Variants in LEPROT observed in about 807,000 individuals in gnomAD.
LEPROT encodes the protein leptin receptor overlapping transcript, also known as leptin receptor gene-related protein.
In LEPROT, 3 loss-of-function variants were observed where a neutral mutation model predicts 15.4. The observed-to-expected ratio is 0.19, with a 90% CI of 0.09 to 0.50. LEPROT has a LOEUF of 0.50. Among genes scored for constraint, LEPROT ranks in the 20% least tolerant of loss-of-function variants. The probability of loss-of-function intolerance (pLI) is 0.97; values close to 1 mark genes in which losing one functional copy is unlikely to be tolerated. For missense variants in LEPROT, 137 were observed against 162.2 expected (o/e 0.84, Z 0.84); for synonymous variants, 59 against 57.5 (o/e 1.03, Z -0.12).
chr1:65,427,173 A>T (rs1218207729), intron 2 of LEPROT, among the ~76,000 whole-genome samples: 3 of 152,214 alleles, frequency 2.0e-5, no homozygotes, highest in Non-Finnish European at 4.4e-5. Context: ...CCTTCACAGC[A>T]ATTACTTTAT....
intron 3 of LEPROT, 147 bp from the exon 4 acceptor site, chr1:65,431,656 G>C: frequency 1.4e-6 from 1 of 735,118 alleles, no homozygotes; most frequent in Non-Finnish European, 2.2e-6. Context: ...TTACTGAACA[G>C]TTCATTGTCT....
chr1:65,427,280 G>A (rs1023348493), intron 2 of LEPROT, among the ~76,000 whole-genome samples: 2 of 152,022 alleles, frequency 1.3e-5, no homozygotes, highest in African/African-American at 2.4e-5. Context: ...TTGAACAGCA[G>A]TAAGTGACAG....
In LEPROT at chr1:65,432,344, G is replaced by T; in HGVS notation, c.*425G>T. 1 of 985,134 alleles carries T rather than the reference G, an allele frequency of 1.0e-6. No homozygotes were observed. Among genetic ancestry groups the T allele is most frequent in the South Asian group, 4.7e-5 (1 of 21,358 alleles). 61.0% of individuals were successfully genotyped at this position (985,134 alleles called of 1,614,324 possible). On this transcript the variant is annotated 3_prime_UTR_variant, in exon 4 of 4. Transcript: ENST00000371065. ...TGTAGTCCATGCTATTAAAAGTGTG[G>T]CCCACAGACCAAGAGCCTCAACATT...
intron 2 of LEPROT, among the ~76,000 whole-genome samples, chr1:65,426,353 G>A (rs1284475111): frequency 6.6e-6 from 1 of 152,102 alleles, no homozygotes; most frequent in African/African-American, 2.4e-5. Flanking sequence ...AGCACTTAGG[G>A]CTCTATATGC....
At position 65,435,627 on chromosome 1, in the gene LEPROT, A is replaced by G. The variant is rs1646552145; in HGVS notation, c.*3708A>G. 8.5e-6 allele frequency: 8 copies of G among 940,882 alleles called. No individual in the cohort carries two copies. Among genetic ancestry groups the G allele is most frequent in the Non-Finnish European group, 1.0e-5 (8 of 789,418 alleles). The allele number at this position is 940,882 out of a possible 1,614,324, so 58.3% of individuals were successfully genotyped here. On this transcript the variant is annotated 3_prime_UTR_variant, in exon 4 of 4. Transcript: ENST00000371065. ...CATGATCCGCCCGCCTCTGCCTCCC[A>G]AAGTGCTGGGATTACAGGCCTGAGC...
At position 65,435,470 on chromosome 1, in the gene LEPROT, C is replaced by T. The variant is rs1351772702; in HGVS notation, c.*3551C>T. The stretch of plus-strand genomic sequence containing the variant: ...GCAAGCTCCGCCTCCCGGGTTCACG[C>T]CATTCTCCTGCCTCAGCCTCCCAAG... On this transcript the variant is annotated 3_prime_UTR_variant, in exon 4 of 4. Transcript: ENST00000371065. 1.8e-5 allele frequency: 8 copies of T among 440,266 alleles called. No homozygotes were observed. Among genetic ancestry groups the T allele is most frequent in the Non-Finnish European group, 2.4e-5 (8 of 332,858 alleles). The allele number at this position is 440,266 out of a possible 1,614,324, so 27.3% of individuals were successfully genotyped here.
In LEPROT at chr1:65,433,075, AGCCCCT is replaced by A. The variant is rs1268692099; in HGVS notation, c.*1159_*1164del. On this transcript the variant is annotated 3_prime_UTR_variant, in exon 4 of 4. Coordinates refer to ENST00000371065, the MANE Select transcript of LEPROT (RefSeq NM_017526.5). ...CGGGCAGGGAGGCTGGGCTCGAGCC[AGCCCCT>A]GCGTTAGCAGGAGGGGGAGAACAGA... 28 of 985,212 alleles carry A rather than the reference AGCCCCT, an allele frequency of 2.8e-5. No homozygotes were observed. The highest frequency in any genetic ancestry group is 3.3e-5 in the Non-Finnish European group (27 of 829,852). The allele number at this position is 985,212 out of a possible 1,614,324, so 61.0% of individuals were successfully genotyped here.
chr1:65,433,586 T>C lies in LEPROT; in HGVS notation c.*1667T>C, dbSNP rs943455934. 4.1e-6 allele frequency: 4 copies of C among 985,248 alleles called. No homozygotes were observed. The African/African-American group carries it at 7.0e-5, about 17-fold the overall frequency. The allele number at this position is 985,248 out of a possible 1,614,324, so 61.0% of individuals were successfully genotyped here. On this transcript the variant is annotated 3_prime_UTR_variant, in exon 4 of 4. Coordinates refer to ENST00000371065, the MANE Select transcript of LEPROT (RefSeq NM_017526.5). ...CAGGTATGATGCTGGGACTGGAAAA[T>C]AGAAAGTAATAACTAAAGGGTTAAT...
Position 65,434,319 on chromosome 1 carries a change from C to T in LEPROT, c.*2400C>T, listed in dbSNP as rs1395656890. The T allele has an allele frequency of 2.0e-6, 2 of 984,618 alleles. No individual in the cohort carries two copies. Among genetic ancestry groups the T allele is most frequent in the Non-Finnish European group, 2.4e-6 (2 of 829,414 alleles). 61.0% of individuals were successfully genotyped at this position (984,618 alleles called of 1,614,324 possible). On this transcript the variant is annotated 3_prime_UTR_variant, in exon 4 of 4. Transcript: ENST00000371065. ...TGGACATTTTTTTCCTTATAAAAGG[C>T]TCTTTTTTTATATATTGTACAATAT...
intron 1 of LEPROT, chr1:65,421,260 G>A (rs1646244070): frequency 6.9e-7 from 1 of 1,446,266 alleles, no homozygotes; most frequent in African/African-American, 1.4e-5. Context: ...GTTTCTCGCA[G>A]TCGTGGAGAG....
At chr1:65,420,793 T>C in intron 1 of LEPROT, 53 bp downstream of exon 1, 1 of 1,558,874 alleles carries the variant, frequency 6.4e-7, no homozygotes, top group Non-Finnish European at 8.7e-7. Context: ...CCACCTCCGT[T>C]CCGGTCAAGC....
Position 65,434,654 on chromosome 1 carries a change from ACCCCTTTTCCT to A in LEPROT, c.*2736_*2746del. ...TGGAGGAAGGACAGTGCAACTTTCC[ACCCCTTTTCCT>A]AAGAACAAGGTCTTTCTCCTTTTAA... On this transcript the variant is annotated 3_prime_UTR_variant, in exon 4 of 4. Coordinates refer to ENST00000371065, the MANE Select transcript of LEPROT (RefSeq NM_017526.5). 5 of 985,316 alleles carry A rather than the reference ACCCCTTTTCCT, an allele frequency of 5.1e-6. No individual in the cohort carries two copies. Among genetic ancestry groups the A allele is most frequent in the Non-Finnish European group, 4.8e-6 (4 of 829,930 alleles). The allele number at this position is 985,316 out of a possible 1,614,324, so 61.0% of individuals were successfully genotyped here. A position where few individuals can be genotyped will look rare whatever the true frequency, so the allele number is the denominator to read the frequency against.
Position 65,434,877 on chromosome 1 carries a change from G to C in LEPROT, c.*2958G>C. ...GTTCTCTAAGTACAGCTGATGTCAT[G>C]TGGTGCTGAGAAGAAAGCAGATCAC... On this transcript the variant is annotated 3_prime_UTR_variant, in exon 4 of 4. Coordinates refer to ENST00000371065, the MANE Select transcript of LEPROT (RefSeq NM_017526.5). 1.0e-6 allele frequency: 1 copy of C among 985,422 alleles called. No individual in the cohort carries two copies. The highest frequency in any genetic ancestry group is 1.2e-6 in the Non-Finnish European group (1 of 829,944). The allele number at this position is 985,422 out of a possible 1,614,324, so 61.0% of individuals were successfully genotyped here.
intron 2 of LEPROT, among the ~76,000 whole-genome samples, chr1:65,426,235 A>AAAATCAG (rs1557581615): frequency 2.0e-5 from 3 of 152,160 alleles, no homozygotes; most frequent in African/African-American, 4.8e-5. Flanking sequence ...AGGCCCGGAG[A>AAAATCAG]CATGAAAGTG....
In LEPROT at chr1:65,435,085, G is replaced by C; in HGVS notation, c.*3166G>C. 1.0e-6 allele frequency: 1 copy of C among 985,418 alleles called. No homozygotes were observed. The highest frequency in any genetic ancestry group is 4.7e-5 in the South Asian group (1 of 21,280). 61.0% of individuals were successfully genotyped at this position (985,418 alleles called of 1,614,324 possible). On this transcript the variant is annotated 3_prime_UTR_variant, in exon 4 of 4. Transcript: ENST00000371065. ...AACGGAATGAAGAAAGATTCCAGCA[G>C]CTTATAGAAGGATAGCAATATTTTG... is the stretch of plus-strand genomic sequence containing the variant.
In LEPROT at chr1:65,431,990, C is replaced by T. The variant is rs1646492019; in HGVS notation, c.*71C>T. On this transcript the variant is annotated 3_prime_UTR_variant, in exon 4 of 4. Transcript: ENST00000371065. Reference sequence around the variant, plus strand: ...TATCTGTATACATGTGCACATGCGGCATTTTACTATGAAATTTAATATGCT... The same window carrying T: ...TATCTGTATACATGTGCACATGCGGTATTTTACTATGAAATTTAATATGCT... 1 of 1,494,716 alleles carries T rather than the reference C, an allele frequency of 6.7e-7. No individual in the cohort carries two copies. Among genetic ancestry groups the T allele is most frequent in the Non-Finnish European group, 8.9e-7 (1 of 1,123,644 alleles). 92.6% of individuals were successfully genotyped at this position (1,494,716 alleles called of 1,614,324 possible).
In LEPROT at chr1:65,434,076, A is replaced by G. The variant is rs1207319977; in HGVS notation, c.*2157A>G. ...TTTCAATAACCAAGGTAGCCTTCATATGTAGCCTTAAAGCATTACCTCTTG... is the reference window on the plus strand; with the variant it reads ...TTTCAATAACCAAGGTAGCCTTCATGTGTAGCCTTAAAGCATTACCTCTTG... On this transcript the variant is annotated 3_prime_UTR_variant, in exon 4 of 4. Transcript: ENST00000371065. 1 of 985,356 alleles carries G rather than the reference A, an allele frequency of 1.0e-6. No individual in the cohort carries two copies. Among genetic ancestry groups the G allele is most frequent in the Non-Finnish European group, 1.2e-6 (1 of 829,848 alleles). 61.0% of individuals were successfully genotyped at this position (985,356 alleles called of 1,614,324 possible). A position where few individuals can be genotyped will look rare whatever the true frequency, so the allele number is the denominator to read the frequency against.
At position 65,432,089 on chromosome 1, in the gene LEPROT, C is replaced by T. The variant is rs1646493480; in HGVS notation, c.*170C>T. On this transcript the variant is annotated 3_prime_UTR_variant, in exon 4 of 4. Coordinates refer to ENST00000371065, the MANE Select transcript of LEPROT (RefSeq NM_017526.5). The stretch of plus-strand genomic sequence containing the variant: ...ATAAGTAGGAGATGAGTTTTATTCT[C>T]AGCAAATAGACCTGTCAAATTTAGA... The T allele has an allele frequency of 9.8e-6, 13 of 1,325,248 alleles. No homozygotes were observed. The highest frequency in any genetic ancestry group is 1.3e-5 in the Non-Finnish European group (13 of 1,039,558). 82.1% of individuals were successfully genotyped at this position (1,325,248 alleles called of 1,614,324 possible).
Position 65,435,114 on chromosome 1 carries a change from CAG to C in LEPROT, c.*3196_*3197del. 1.0e-6 allele frequency: 1 copy of C among 985,376 alleles called. No individual in the cohort carries two copies. The highest frequency in any genetic ancestry group is 1.2e-6 in the Non-Finnish European group (1 of 829,936). 61.0% of individuals were successfully genotyped at this position (985,376 alleles called of 1,614,324 possible). Reference sequence around the variant, plus strand: ...ATAGAAGGATAGCAATATTTTGGGACAGGGAAAATCCTGTCATACCTCATCTC... The same window carrying C: ...ATAGAAGGATAGCAATATTTTGGGACGGAAAATCCTGTCATACCTCATCTC... On this transcript the variant is annotated 3_prime_UTR_variant, in exon 4 of 4. Coordinates refer to ENST00000371065, the MANE Select transcript of LEPROT (RefSeq NM_017526.5).
Sources: allele counts gnomAD v4.1 joint callset (sites outside exome capture counted in the v4.1 genomes callset), GRCh38; gene constraint gnomAD v4.1.1; transcripts MANE v1.5; gene names NCBI Gene and HGNC (gene_info 2026-07-23, HGNC 2026-07-21).